The following CELF4 variants were observed in gnomAD, a reference collection of about 807,000 sequenced individuals.
The protein encoded by CELF4 is CUG-BP- and ETR-3-like factor 4.
A neutral mutation model predicts 59.9 loss-of-function variants in CELF4; 18 were observed. That is an observed-to-expected ratio of 0.30 (90% CI 0.21 to 0.45). The LOEUF is 0.45. Ranked by LOEUF, CELF4 falls within the 20% of genes least tolerant of loss-of-function variation. The probability of loss-of-function intolerance (pLI) is 1.00; values close to 1 mark genes in which losing one functional copy is unlikely to be tolerated. For synonymous variants in CELF4, 261 were observed against 267.1 expected, an observed-to-expected ratio of 0.98 and a Z score of 0.22; for missense variants, 456 against 689.0, an observed-to-expected ratio of 0.66 and a Z score of 3.79.
chr18:37,491,752 C>T (rs1307304701), intron 1 of CELF4, among the ~76,000 whole-genome samples: 2 of 152,132 alleles, frequency 1.3e-5, no homozygotes, highest in African/African-American at 2.4e-5. Context: ...GCAGGGGTGG[C>T]GGATGCCCCT....
intron 12 of CELF4, among the ~76,000 whole-genome samples, chr18:37,249,823 A>T (rs897558103): frequency 1.1e-4 from 17 of 152,200 alleles, no homozygotes; most frequent in Middle Eastern, 6.8e-3. Context: ...CTCAGGTCCT[A>T]AAATCAGCTG....
intron 3 of CELF4, among the ~76,000 whole-genome samples, chr18:37,311,119 C>T (rs759362966): frequency 4.6e-5 from 7 of 152,190 alleles, no homozygotes; most frequent in Non-Finnish European, 8.8e-5. Context: ...TGTCGAGGAG[C>T]TGCGAGTCTC....
At position 37,565,519 on chromosome 18, in the gene CELF4, C is replaced by T. The variant is rs776644983; in HGVS notation, c.123G>A (p.Gly41=). ...GHMNGLSHSP[G]NPSTIPMKDH... Reference sequence around the variant, plus strand: ...CCTTCATGGGAATGGTCGACGGGTTCCCCGGGCTGTGGCTTAATCCGTTCA... The same window carrying T: ...CCTTCATGGGAATGGTCGACGGGTTTCCCGGGCTGTGGCTTAATCCGTTCA... Residue 41 remains glycine, a synonymous_variant, in exon 1 of 13, where the codon GGG becomes GGA. Transcript: ENST00000420428. 3 of 1,614,180 alleles carry T rather than the reference C, an allele frequency of 1.9e-6. No homozygotes were observed. The highest frequency in any genetic ancestry group is 1.7e-5 in the Admixed American group (1 of 60,020).
At chr18:37,467,769 A>G (rs1387584178) in intron 2 of CELF4, among the ~76,000 whole-genome samples, 2 of 152,158 alleles carry the variant, frequency 1.3e-5, no homozygotes, top group African/African-American at 4.8e-5. Flanking sequence ...AGAAATCAAG[A>G]GTTTATCTTC....
intron 6 of CELF4, 147 bp downstream of exon 6, chr18:37,274,164 C>T (rs1339849563): frequency 1.4e-6 from 2 of 1,475,990 alleles, no homozygotes; most frequent in Admixed American, 2.5e-5. Flanking sequence ...GTTAAACCCC[C>T]CAGGTTCATG....
At chr18:37,384,558 C>T (rs77099605) in intron 2 of CELF4, among the ~76,000 whole-genome samples, 2,882 of 152,066 alleles carry the variant, frequency 0.019, 90 homozygotes, top group African/African-American at 0.065. Flanking sequence ...TAGACACAGG[C>T]CTGGGACACT....
intron 2 of CELF4, among the ~76,000 whole-genome samples, chr18:37,361,159 G>A (rs1229690038): frequency 6.6e-6 from 1 of 152,192 alleles, no homozygotes; most frequent in Non-Finnish European, 1.5e-5. Context: ...GTACTTTAGG[G>A]TTTCCACAAG....
In CELF4 at chr18:37,540,943, G is replaced by A. The variant is rs150736415; in HGVS notation, c.286+24413C>T. Among the ~76,000 whole-genome samples, 471 of 152,112 alleles carry A rather than the reference G, an allele frequency of 3.1e-3. 3 individuals are homozygous for A. Among genetic ancestry groups the A allele is most frequent in the African/African-American group, 0.011 (458 of 41,532 alleles). On this transcript the variant is annotated intron_variant, in intron 1 of 12. Coordinates refer to ENST00000420428, the MANE Select transcript of CELF4 (RefSeq NM_020180.4). Reference sequence around the variant, plus strand: ...TGAGCACCTGCCTGGAGGTGGAGTGGGGGCATGGGGAAGGAGGACTCCCAG... The same window carrying A: ...TGAGCACCTGCCTGGAGGTGGAGTGAGGGCATGGGGAAGGAGGACTCCCAG...
chr18:37,413,897 C>T (rs2099498580), intron 2 of CELF4, among the ~76,000 whole-genome samples: 1 of 152,168 alleles, frequency 6.6e-6, no homozygotes, highest in African/African-American at 2.4e-5. Context: ...AATGTCTATA[C>T]TCTCTGTACC....
At chr18:37,445,741 C>T (rs932575129) in intron 2 of CELF4, among the ~76,000 whole-genome samples, 16 of 152,156 alleles carry the variant, frequency 1.1e-4, no homozygotes, top group South Asian at 4.2e-4. Flanking sequence ...CGATGCATTC[C>T]GTGTCTCCCA....
chr18:37,420,715 C>T (rs1208287917), intron 2 of CELF4, among the ~76,000 whole-genome samples: 2 of 152,202 alleles, frequency 1.3e-5, no homozygotes, highest in Non-Finnish European at 1.5e-5. Context: ...TGCTTCACCA[C>T]AAAGGTGGAG....
chr18:37,553,153 C>T (rs965366663), intron 1 of CELF4, among the ~76,000 whole-genome samples: 7 of 152,068 alleles, frequency 4.6e-5, no homozygotes, highest in African/African-American at 1.2e-4. Context: ...GTCAAGATGA[C>T]AGTACAGATG....
intron 2 of CELF4, among the ~76,000 whole-genome samples, chr18:37,374,341 T>G (rs2098939996): frequency 6.6e-6 from 1 of 152,250 alleles, no homozygotes; most frequent in South Asian, 2.1e-4. Flanking sequence ...CCTCACTGCC[T>G]GGTGCAGGGG....
intron 2 of CELF4, among the ~76,000 whole-genome samples, chr18:37,357,916 A>G (rs1198624207): frequency 6.6e-6 from 1 of 152,182 alleles, no homozygotes; most frequent in African/African-American, 2.4e-5. Flanking sequence ...GAATGGCTGT[A>G]TCTACCCAGC....
intron 1 of CELF4, among the ~76,000 whole-genome samples, chr18:37,517,347 G>A (rs1028595402): frequency 1.3e-5 from 2 of 152,130 alleles, no homozygotes; most frequent in African/African-American, 2.4e-5. Context: ...GAAACTGCAA[G>A]GTGTCTTGCA....
chr18:37,526,700 C>T (rs1334043015), intron 1 of CELF4, among the ~76,000 whole-genome samples: 1 of 152,222 alleles, frequency 6.6e-6, no homozygotes, highest in Admixed American at 6.5e-5. Context: ...AAACTCTGGA[C>T]GTCCTTCTTG....
intron 1 of CELF4, among the ~76,000 whole-genome samples, chr18:37,535,028 T>C (rs1324896371): frequency 6.6e-6 from 1 of 152,202 alleles, no homozygotes; most frequent in Non-Finnish European, 1.5e-5. Flanking sequence ...AGCTGTCCTC[T>C]GTACTCATTT....
intron 2 of CELF4, among the ~76,000 whole-genome samples, chr18:37,405,098 C>CCT (rs1557414472): frequency 6.6e-6 from 1 of 152,174 alleles, no homozygotes; most frequent in African/African-American, 2.4e-5. Context: ...CCCAACCCCC[C>CCT]CCGTGTCCTT....
intron 2 of CELF4, among the ~76,000 whole-genome samples, chr18:37,456,324 G>A (rs78648089): frequency 0.028 from 4,203 of 152,152 alleles, 127 homozygotes; most frequent in East Asian, 0.15. Flanking sequence ...GGGGTGGCCC[G>A]TAGTGCTGGC....
Sources: gnomAD v4.1 joint callset for allele counts (sites outside exome capture counted in the v4.1 genomes callset) on GRCh38, gnomAD v4.1.1 for gene constraint, MANE v1.5 for transcripts, NCBI Gene and HGNC (gene_info 2026-07-23, HGNC 2026-07-21) for gene names.